Variants in RBMS3 observed in about 807,000 individuals in gnomAD.
The protein encoded by RBMS3 is RNA binding motif single stranded interacting protein 3.
Under a neutral mutation model 66.8 loss-of-function variants are expected in RBMS3, and 27 were observed. That is an observed-to-expected ratio of 0.40 (90% CI 0.30 to 0.56). The LOEUF (loss-of-function observed/expected upper bound fraction) is 0.56. Among genes scored for constraint, RBMS3 ranks in the 20% least tolerant of loss-of-function variants. The pLI is 0.40. For synonymous variants in RBMS3, 188 were observed against 183.0 expected, an observed-to-expected ratio of 1.03 and a Z score of -0.22; for missense variants, 513 against 549.5, an observed-to-expected ratio of 0.93 and a Z score of 0.66.
chr3:29,769,334 C>G (rs2056086766), intron 6 of RBMS3, among the ~76,000 whole-genome samples: 1 of 151,792 alleles, frequency 6.6e-6, no homozygotes, highest in South Asian at 2.1e-4. Context: ...GAGGTGCAGG[C>G]ACAGAAAATT....
intron 2 of RBMS3, among the ~76,000 whole-genome samples, chr3:29,465,811 C>A (rs2042524568): frequency 6.6e-6 from 1 of 152,070 alleles, no homozygotes; most frequent in African/African-American, 2.4e-5. Flanking sequence ...ATTCTAAAGT[C>A]ATTTGAAGGG....
chr3:29,341,406 A>T (rs1346086039), intron 1 of RBMS3, among the ~76,000 whole-genome samples: 6 of 152,152 alleles, frequency 3.9e-5, no homozygotes, highest in African/African-American at 1.4e-4. Context: ...ACTTATTTGT[A>T]TTAATTCTAA....
intron 10 of RBMS3, among the ~76,000 whole-genome samples, chr3:29,926,160 C>T (rs1351892785): frequency 6.6e-6 from 1 of 152,096 alleles, no homozygotes; most frequent in Non-Finnish European, 1.5e-5. Context: ...CAGAACATGT[C>T]ATCAATAGGG....
At chr3:29,775,896 C>A (rs1164207125) in intron 6 of RBMS3, among the ~76,000 whole-genome samples, 1 of 151,966 alleles carries the variant, frequency 6.6e-6, no homozygotes, top group African/African-American at 2.4e-5. Context: ...ATCATGATTT[C>A]ATTAAGCTTA....
intron 4 of RBMS3, among the ~76,000 whole-genome samples, chr3:29,630,249 T>A (rs2049234817): frequency 6.6e-6 from 1 of 152,056 alleles, no homozygotes; most frequent in Admixed American, 6.6e-5. Flanking sequence ...GTTTTGTTTT[T>A]TAATTCTGTC....
At chr3:29,632,029 G>A (rs529269194) in intron 4 of RBMS3, among the ~76,000 whole-genome samples, 41 of 150,162 alleles carry the variant, frequency 2.7e-4, no homozygotes, top group African/African-American at 1.0e-3. Context: ...GCAAATGAAT[G>A]ACCGTTAGAT....
intron 3 of RBMS3, among the ~76,000 whole-genome samples, chr3:29,540,449 G>T (rs2045715662): frequency 6.6e-6 from 1 of 152,054 alleles, no homozygotes. Context: ...AAGAAGCAGT[G>T]GTTCCACCTA....
chr3:29,754,487 C>T (rs1231539221), intron 5 of RBMS3, among the ~76,000 whole-genome samples: 2 of 152,098 alleles, frequency 1.3e-5, no homozygotes, highest in East Asian at 3.9e-4. Flanking sequence ...GAGGGCTTAC[C>T]CAGTTGACTG....
chr3:29,886,644 G>A (rs115191511), intron 8 of RBMS3, among the ~76,000 whole-genome samples: 141 of 151,756 alleles, frequency 9.3e-4, no homozygotes, highest in African/African-American at 2.9e-3. Flanking sequence ...AAGTTTTTTT[G>A]TTGTCAGATT....
chr3:29,296,929 G>A lies in RBMS3; in HGVS notation c.75+15173G>A, dbSNP rs540218233. 1.8e-3 allele frequency among the ~76,000 whole-genome samples: 264 copies of A among 150,222 alleles called. 1 individual carries two copies. Among genetic ancestry groups the A allele is most frequent in the African/African-American group, 6.3e-3 (257 of 40,928 alleles). On this transcript the variant is annotated intron_variant, in intron 1 of 14. Coordinates refer to ENST00000383767, the MANE Select transcript of RBMS3 (RefSeq NM_001003793.3). ...AAATTAGCATTTTTTTTTAACTGCT[G>A]GAAGACTCACCATTTTTTAACCCAC...
At chr3:29,654,799 T>G (rs1576448644) in intron 4 of RBMS3, among the ~76,000 whole-genome samples, 1 of 150,270 alleles carries the variant, frequency 6.7e-6, no homozygotes, top group South Asian at 2.1e-4. Context: ...AGTTTTACCA[T>G]GTTGACCAGG....
chr3:29,429,168 C>T (rs2041084309), intron 1 of RBMS3, among the ~76,000 whole-genome samples: 1 of 152,120 alleles, frequency 6.6e-6, no homozygotes, highest in Non-Finnish European at 1.5e-5. Flanking sequence ...AGGTCATTTA[C>T]CCTTTTTGTG....
intron 6 of RBMS3, among the ~76,000 whole-genome samples, chr3:29,789,611 T>C (rs1437331860): frequency 6.6e-6 from 1 of 152,142 alleles, no homozygotes; most frequent in Admixed American, 6.5e-5. Flanking sequence ...ATGTACATCT[T>C]TGATAATTAG....
At chr3:29,837,909 C>T (rs1311815237) in intron 6 of RBMS3, among the ~76,000 whole-genome samples, 1 of 150,838 alleles carries the variant, frequency 6.6e-6, no homozygotes, top group Non-Finnish European at 1.5e-5. Context: ...CCACATGTTT[C>T]CTTATGATGT....
At chr3:29,587,293 A>C in intron 4 of RBMS3, 88 bp downstream of exon 4, 1 of 721,468 alleles carries the variant, frequency 1.4e-6, no homozygotes. Flanking sequence ...AGAGAGAGAG[A>C]GATCAGGAGG....
chr3:29,841,989 A>T (rs190743815), intron 6 of RBMS3, among the ~76,000 whole-genome samples: 1 of 152,018 alleles, frequency 6.6e-6, no homozygotes, highest in African/African-American at 2.4e-5. Context: ...GTCTTTTCTT[A>T]TTTTTGCTAA....
intron 12 of RBMS3, among the ~76,000 whole-genome samples, chr3:29,954,281 A>G (rs1196498809): frequency 6.6e-6 from 1 of 151,880 alleles, no homozygotes; most frequent in Non-Finnish European, 1.5e-5. Flanking sequence ...TTTTCATGCC[A>G]AAGTTTCCAA....
intron 1 of RBMS3, among the ~76,000 whole-genome samples, chr3:29,292,492 T>C (rs2032899914): frequency 6.6e-6 from 1 of 151,890 alleles, no homozygotes; most frequent in African/African-American, 2.4e-5. Context: ...ACATTGACAG[T>C]ATATTACGCA....
rs1222102515 is a variant in RBMS3, at chr3:29,524,415, A to ATTTTTTTTTTTT, written c.307+35934_307+35945dup. ...GGAAGATATGAGTGACTCCCTTTAC[A>ATTTTTTTTTTTT]TTTTTTTTTTTTTTTTTTTTTTTTT... On this transcript the variant is annotated intron_variant, in intron 3 of 14. Coordinates refer to ENST00000383767, the MANE Select transcript of RBMS3 (RefSeq NM_001003793.3). Among the ~76,000 whole-genome samples, 64 of 57,110 alleles carry ATTTTTTTTTTTT rather than the reference A, an allele frequency of 1.1e-3. 6 individuals are homozygous for ATTTTTTTTTTTT. The highest frequency in any genetic ancestry group is 1.9e-3 in the East Asian group (3 of 1,586). The allele number at this position is 57,110 out of a possible 152,430, so 37.5% of individuals were successfully genotyped here. A position where few individuals can be genotyped will look rare whatever the true frequency, so the allele number is the denominator to read the frequency against.
Sources: gnomAD v4.1 joint callset for allele counts (sites outside exome capture counted in the v4.1 genomes callset) on GRCh38, gnomAD v4.1.1 for gene constraint, MANE v1.5 for transcripts, NCBI Gene and HGNC (gene_info 2026-07-23, HGNC 2026-07-21) for gene names.